The following ADGRB3 variants were observed in gnomAD, a reference collection of about 807,000 sequenced individuals.
ADGRB3 encodes the protein adhesion G protein-coupled receptor B3.
Under a neutral mutation model 193.4 loss-of-function variants are expected in ADGRB3, and 37 were observed. The ratio of observed to expected loss-of-function variants is 0.19; its 90% CI spans 0.15 to 0.25. ADGRB3 has a LOEUF of 0.25. Among genes scored for constraint, ADGRB3 ranks in the 10% least tolerant of loss-of-function variants. The pLI, the probability that ADGRB3 is intolerant of heterozygous loss-of-function variation, is 1.00. For synonymous variants in ADGRB3, 690 were observed against 644.2 expected, an observed-to-expected ratio of 1.07 and a Z score of -1.08; for missense variants, 1,637 against 1,852.9, an observed-to-expected ratio of 0.88 and a Z score of 2.14.
intron 17 of ADGRB3, among the ~76,000 whole-genome samples, chr6:69,189,979 A>G (rs1765154170): frequency 6.6e-6 from 1 of 152,166 alleles, no homozygotes; most frequent in African/African-American, 2.4e-5. Context: ...GCAAGGCAGT[A>G]TGTGTTTATA....
At chr6:69,016,075 C>T (rs1402262796) in intron 12 of ADGRB3, among the ~76,000 whole-genome samples, 3 of 151,952 alleles carry the variant, frequency 2.0e-5, no homozygotes, top group African/African-American at 7.2e-5. Flanking sequence ...AATATAGCCA[C>T]ACCCATTCAT....
intron 17 of ADGRB3, among the ~76,000 whole-genome samples, chr6:69,098,245 A>G (rs901364658): frequency 6.6e-6 from 1 of 152,208 alleles, no homozygotes; most frequent in Non-Finnish European, 1.5e-5. Flanking sequence ...GCCCTGTTTT[A>G]CTACTTTGAA....
At position 68,772,885 on chromosome 6, in the gene ADGRB3, AAAAAAAAAAAT is replaced by A. The variant is rs1562023190; in HGVS notation, c.757+133455_757+133465del. ...AACAAACAAACAAACAAACAAACAA[AAAAAAAAAAAT>A]ATATATATATATATATATATATATA... On this transcript the variant is annotated intron_variant, in intron 3 of 31. Coordinates refer to ENST00000370598, the MANE Select transcript of ADGRB3 (RefSeq NM_001704.3). Among the ~76,000 whole-genome samples the A allele has an allele frequency of 1.4e-3, 58 of 42,886 alleles. No individual in the cohort carries two copies. The East Asian group carries it at 0.057, about 42-fold the overall frequency. The allele number at this position is 42,886 out of a possible 152,430, so 28.1% of individuals were successfully genotyped here. A position where few individuals can be genotyped will look rare whatever the true frequency, so the allele number is the denominator to read the frequency against.
rs530437328 is a variant in ADGRB3 at position 69,324,943 on chromosome 6, G to A, written c.2886G>A (p.Glu962=). The part of the protein sequence containing the change: ...FLASFCWVLT[E]AWQSYMAVTG... ...CTTCATTCTGTTGGGTTTTGACTGA[G>A]GCGTGGCAATCATATATGGCTGTAA... The change falls in exon 21 of 32, where the codon GAG becomes GAA. Residue 962 remains glutamate, a synonymous_variant. Coordinates refer to ENST00000370598, the MANE Select transcript of ADGRB3 (RefSeq NM_001704.3). 14 of 1,613,898 alleles carry A rather than the reference G, an allele frequency of 8.7e-6. No individual in the cohort carries two copies. Among genetic ancestry groups the A allele is most frequent in the South Asian group, 7.7e-5 (7 of 91,058 alleles).
chr6:68,643,245 C>G (rs1226143931), intron 3 of ADGRB3, among the ~76,000 whole-genome samples: 1 of 152,156 alleles, frequency 6.6e-6, no homozygotes, highest in African/African-American at 2.4e-5. Flanking sequence ...GGAAGTCTCA[C>G]CATAGGCCTG....
chr6:68,907,321 C>G (rs1315546507), intron 3 of ADGRB3, among the ~76,000 whole-genome samples: 1 of 151,818 alleles, frequency 6.6e-6, no homozygotes, highest in African/African-American at 2.4e-5. Context: ...GCTTTTATAA[C>G]TTTATTGTCT....
intron 17 of ADGRB3, among the ~76,000 whole-genome samples, chr6:69,094,582 C>T (rs761317815): frequency 1.3e-5 from 2 of 152,156 alleles, no homozygotes; most frequent in Admixed American, 6.5e-5. Context: ...AGCTATATGT[C>T]ATACCGTGTT....
intron 15 of ADGRB3, among the ~76,000 whole-genome samples, chr6:69,056,415 A>G (rs1771547138): frequency 6.6e-6 from 1 of 152,012 alleles, no homozygotes; most frequent in African/African-American, 2.4e-5. Context: ...CTCCCTTTTC[A>G]TAGGTGGCCT....
intron 3 of ADGRB3, among the ~76,000 whole-genome samples, chr6:68,815,855 T>G (rs1767623424): frequency 6.6e-6 from 1 of 152,130 alleles, no homozygotes; most frequent in African/African-American, 2.4e-5. Flanking sequence ...TTTTTTTTAT[T>G]TGTTGGGACA....
intron 20 of ADGRB3, among the ~76,000 whole-genome samples, chr6:69,316,553 G>A (rs1012970125): frequency 9.2e-5 from 14 of 151,402 alleles, no homozygotes; most frequent in African/African-American, 3.4e-4. Flanking sequence ...TGTTATTGTA[G>A]AATTTTAGAT....
chr6:68,974,624 G>T, intron 8 of ADGRB3, 139 bp from the exon 9 acceptor site: 1 of 613,176 alleles, frequency 1.6e-6, no homozygotes. Flanking sequence ...AACAGAGTGA[G>T]ACCCCATCTC....
intron 10 of ADGRB3, among the ~76,000 whole-genome samples, chr6:68,983,630 A>T (rs1768989920): frequency 6.6e-6 from 1 of 152,006 alleles, no homozygotes; most frequent in Non-Finnish European, 1.5e-5. Flanking sequence ...CATTATACAA[A>T]TAATCATTGA....
At position 68,732,280 on chromosome 6, in the gene ADGRB3, T is replaced by G. The variant is rs1765789252; in HGVS notation, c.757+92848T>G. On this transcript the variant is annotated intron_variant, in intron 3 of 31. Coordinates refer to ENST00000370598, the MANE Select transcript of ADGRB3 (RefSeq NM_001704.3). ...TATTTCATTGCCCAAGTATTAAGCC[T>G]CATACCCATTAGCTATTTTTCTTGA... Among the ~76,000 whole-genome samples the G allele has an allele frequency of 2.0e-5, 3 of 151,816 alleles. No homozygotes were observed. The Admixed American group carries it at 2.0e-4, about 10-fold the overall frequency.
chr6:69,334,575 G>C (rs1768803045), intron 24 of ADGRB3, among the ~76,000 whole-genome samples: 1 of 152,050 alleles, frequency 6.6e-6, no homozygotes, highest in South Asian at 2.1e-4. Context: ...CAGCTTTCTA[G>C]ATCATTTGAA....
chr6:69,068,106 G>T (rs1771960365), intron 16 of ADGRB3, among the ~76,000 whole-genome samples: 1 of 152,094 alleles, frequency 6.6e-6, no homozygotes, highest in African/African-American at 2.4e-5. Flanking sequence ...ACAACAGATG[G>T]CAGGTCAGAT....
chr6:68,936,637 A>C lies in ADGRB3; in HGVS notation c.987A>C (p.Pro329=). The change falls in exon 5 of 32, where the codon CCA becomes CCC. Residue 329 remains proline, a synonymous_variant. Coordinates refer to ENST00000370598, the MANE Select transcript of ADGRB3 (RefSeq NM_001704.3). ...VSPYGTHCSG[P]LRESRVCNNT... ...CTTACGGGACACACTGCAGCGGCCC[A>C]TTAAGAGAATCAAGGGTTTGCAATA... 1 of 1,613,812 alleles carries C rather than the reference A, an allele frequency of 6.2e-7. No homozygotes were observed. Among genetic ancestry groups the C allele is most frequent in the Non-Finnish European group, 8.5e-7 (1 of 1,179,934 alleles).
intron 25 of ADGRB3, 49 bp downstream of exon 25, chr6:69,339,063 A>C (rs754257082): frequency 1.9e-6 from 3 of 1,576,568 alleles, no homozygotes; most frequent in South Asian, 1.1e-5. Flanking sequence ...TTTACAGTGC[A>C]TGTGAGAAAA....
At chr6:68,901,980 C>T (rs761224089) in intron 3 of ADGRB3, among the ~76,000 whole-genome samples, 2 of 151,858 alleles carry the variant, frequency 1.3e-5, no homozygotes, top group Non-Finnish European at 2.9e-5. Flanking sequence ...AGCTGGAAGC[C>T]GTCTTGTTCT....
chr6:68,687,199 T>C (rs1297538842), intron 3 of ADGRB3, among the ~76,000 whole-genome samples: 2 of 151,982 alleles, frequency 1.3e-5, no homozygotes, highest in African/African-American at 4.8e-5. Flanking sequence ...TTCCTAAATA[T>C]CAGGTTTGAT....
Sources: allele counts gnomAD v4.1 joint callset (sites outside exome capture counted in the v4.1 genomes callset), GRCh38; gene constraint gnomAD v4.1.1; transcripts MANE v1.5; gene names NCBI Gene and HGNC (gene_info 2026-07-23, HGNC 2026-07-21).